Variants in AUH observed in about 807,000 individuals in gnomAD.
The protein encoded by AUH is AU RNA binding methylglutaconyl-CoA hydratase.
In AUH, 29 loss-of-function variants were observed where a neutral mutation model predicts 42.3. That is an observed-to-expected ratio of 0.69 (90% CI 0.51 to 0.93). The LOEUF is 0.93. Ranked by LOEUF, AUH falls within the 40% of genes least tolerant of loss-of-function variation. The pLI is 0.00. For synonymous variants in AUH, 174 were observed against 166.4 expected (o/e 1.05, Z -0.35); for missense variants, 452 against 438.1 (o/e 1.03, Z -0.28).
chr9:91,234,937 T>A (rs1229744992), intron 6 of AUH, among the ~76,000 whole-genome samples: 2 of 150,640 alleles, frequency 1.3e-5, no homozygotes, highest in African/African-American at 4.9e-5. Flanking sequence ...GACATCCAAA[T>A]GAAGATCAGG....
chr9:91,314,407 C>T (rs1828981120), intron 4 of AUH, among the ~76,000 whole-genome samples: 1 of 151,002 alleles, frequency 6.6e-6, no homozygotes, highest in South Asian at 2.1e-4. Flanking sequence ...CACTTGAGCC[C>T]CGGAGGTCGA....
chr9:91,287,200 A>G (rs747336133), intron 6 of AUH, among the ~76,000 whole-genome samples: 11 of 152,160 alleles, frequency 7.2e-5, no homozygotes, highest in Non-Finnish European at 1.5e-4. Flanking sequence ...CCTGAGAAGA[A>G]CACAAATTCT....
chr9:91,227,182 G>A (rs1010974791), intron 6 of AUH, among the ~76,000 whole-genome samples: 1 of 151,092 alleles, frequency 6.6e-6, no homozygotes, highest in Non-Finnish European at 1.5e-5. Flanking sequence ...TCCTACCCAT[G>A]AGCATGGAAT....
At chr9:91,346,509 G>A (rs1419158823) in intron 3 of AUH, among the ~76,000 whole-genome samples, 1 of 152,082 alleles carries the variant, frequency 6.6e-6, no homozygotes, top group Admixed American at 6.6e-5. Context: ...ATAATAAACT[G>A]GTAATAGTAA....
intron 3 of AUH, among the ~76,000 whole-genome samples, chr9:91,339,088 G>A (rs1309206560): frequency 6.6e-6 from 1 of 152,122 alleles, no homozygotes; most frequent in African/African-American, 2.4e-5. Context: ...GTTTAGTATT[G>A]TATATTACAG....
chr9:91,250,763 C>T (rs894220807), intron 6 of AUH, among the ~76,000 whole-genome samples: 2 of 152,196 alleles, frequency 1.3e-5, no homozygotes, highest in African/African-American at 4.8e-5. Context: ...TTTAATGAAT[C>T]ACTGATGTCC....
chr9:91,217,340 T>C lies in AUH; in HGVS notation c.844-13A>G. 1.2e-6 allele frequency: 2 copies of C among 1,611,246 alleles called. No individual in the cohort carries two copies. Among genetic ancestry groups the C allele is most frequent in the Non-Finnish European group, 1.7e-6 (2 of 1,177,626 alleles). ...TTGCAACAGGTCCCTAAAATTCAAA[T>C]TAAAGAAACAGACTTCAATTATTTT... On this transcript the variant is annotated splice_polypyrimidine_tract_variant and intron_variant, in intron 7 of 9. Coordinates refer to ENST00000375731, the MANE Select transcript of AUH (RefSeq NM_001698.3).
chr9:91,332,721 G>A (rs1005031617), intron 3 of AUH, among the ~76,000 whole-genome samples: 15 of 152,162 alleles, frequency 9.9e-5, no homozygotes, highest in Admixed American at 7.9e-4. Flanking sequence ...CGAGGTGGCT[G>A]AATATACATA....
At chr9:91,232,796 G>T (rs1446954677) in intron 6 of AUH, among the ~76,000 whole-genome samples, 1 of 152,232 alleles carries the variant, frequency 6.6e-6, no homozygotes. Flanking sequence ...CTAAGGTTCT[G>T]CATTTCTAAT....
chr9:91,360,995 G>A (rs1484970013), intron 1 of AUH, among the ~76,000 whole-genome samples: 1 of 152,168 alleles, frequency 6.6e-6, no homozygotes, highest in African/African-American at 2.4e-5. Context: ...GCTCTGTATT[G>A]TATTGCTAAT....
At chr9:91,307,761 A>C (rs1411264105) in intron 4 of AUH, among the ~76,000 whole-genome samples, 1 of 152,234 alleles carries the variant, frequency 6.6e-6, no homozygotes. Context: ...GTGTATGTAC[A>C]GGAAAAAACA....
chr9:91,327,050 T>C (rs901473980), intron 3 of AUH, among the ~76,000 whole-genome samples: 14 of 152,184 alleles, frequency 9.2e-5, no homozygotes, highest in Non-Finnish European at 1.6e-4. Flanking sequence ...TACTCACATA[T>C]AGACCACTTC....
chr9:91,354,161 T>C lies in AUH; in HGVS notation c.418+1722A>G, dbSNP rs540397889. ...CCAGCCTGGGCAACAAGCGTGAAAG[T>C]CCGTCTCAAAAAAAAAAACAAGAAA... On this transcript the variant is annotated intron_variant, in intron 3 of 9. Transcript: ENST00000375731. 3.3e-5 allele frequency among the ~76,000 whole-genome samples: 5 copies of C among 150,106 alleles called. No individual in the cohort carries two copies. In the South Asian group the frequency reaches 6.4e-4, roughly 19 times the overall value.
At chr9:91,313,711 C>CAAAAAAAAA (rs775229436) in intron 4 of AUH, among the ~76,000 whole-genome samples, 3 of 68,892 alleles carry the variant, frequency 4.4e-5, no homozygotes, top group Non-Finnish European at 8.3e-5. Flanking sequence ...GACTCCGTCT[C>CAAAAAAAAA]AAAAAAAAAA....
chr9:91,271,304 T>C (rs1825105017), intron 6 of AUH, among the ~76,000 whole-genome samples: 1 of 152,254 alleles, frequency 6.6e-6, no homozygotes, highest in African/African-American at 2.4e-5. Context: ...GTATGTGCAT[T>C]TGCTTGCAGA....
intron 3 of AUH, among the ~76,000 whole-genome samples, chr9:91,334,191 A>G (rs1469556961): frequency 6.6e-6 from 1 of 152,234 alleles, no homozygotes; most frequent in Non-Finnish European, 1.5e-5. Flanking sequence ...TGCCTCCAGT[A>G]CACGGCATTG....
intron 6 of AUH, among the ~76,000 whole-genome samples, chr9:91,256,249 T>C (rs1175092282): frequency 6.6e-6 from 1 of 152,150 alleles, no homozygotes; most frequent in Non-Finnish European, 1.5e-5. Flanking sequence ...TAACATTTGT[T>C]AATAAAACCA....
Position 91,224,119 on chromosome 9 carries a change from G to A in AUH, c.656-3127C>T, listed in dbSNP as rs753716161. On this transcript the variant is annotated intron_variant, in intron 6 of 9. Coordinates refer to ENST00000375731, the MANE Select transcript of AUH (RefSeq NM_001698.3). ...GCCTTCTTCCTTGGCAATACTTGTCGTGACAGTGATGGGCTTTCTGTGCAG... is the reference window on the plus strand; with the variant it reads ...GCCTTCTTCCTTGGCAATACTTGTCATGACAGTGATGGGCTTTCTGTGCAG... 5.9e-5 allele frequency among the ~76,000 whole-genome samples: 9 copies of A among 152,142 alleles called. No homozygotes were observed. In the South Asian group the frequency reaches 6.2e-4, roughly 11 times the overall value.
At chr9:91,227,350 G>A (rs1827567622) in intron 6 of AUH, among the ~76,000 whole-genome samples, 1 of 122,278 alleles carries the variant, frequency 8.2e-6, no homozygotes, top group Non-Finnish European at 1.8e-5. Context: ...TTGGCTCTCT[G>A]TTTGTCTGTT....
Sources: gnomAD v4.1 joint callset for allele counts (sites outside exome capture counted in the v4.1 genomes callset) on GRCh38, gnomAD v4.1.1 for gene constraint, MANE v1.5 for transcripts, NCBI Gene and HGNC (gene_info 2026-07-23, HGNC 2026-07-21) for gene names.